The following SLIT2 variants were observed in gnomAD, a reference collection of about 807,000 sequenced individuals.
The protein encoded by SLIT2 is slit guidance ligand 2, also known as slit homolog 2 protein.
Under a neutral mutation model 185.7 loss-of-function variants are expected in SLIT2, and 41 were observed. That is an observed-to-expected ratio of 0.22 (90% CI 0.17 to 0.29). The LOEUF is 0.29. SLIT2 is among the 10% of genes least tolerant of loss of function. SLIT2 has a pLI of 1.00. For missense variants in SLIT2, 1,571 were observed against 1,909.0 expected, an observed-to-expected ratio of 0.82 and a Z score of 3.30; for synonymous variants, 693 against 680.2, an observed-to-expected ratio of 1.02 and a Z score of -0.29.
intron 4 of SLIT2, among the ~76,000 whole-genome samples, chr4:20,280,801 GTGAAT>G (rs1383070833): frequency 6.6e-6 from 1 of 150,546 alleles, no homozygotes; most frequent in Non-Finnish European, 1.5e-5. Flanking sequence ...GCTATTAAAT[GTGAAT>G]TGTTTGAAGG....
At chr4:20,457,581 C>T (rs1438767980) in intron 4 of SLIT2, among the ~76,000 whole-genome samples, 56 of 152,136 alleles carry the variant, frequency 3.7e-4, no homozygotes, top group Non-Finnish European at 7.4e-5. Flanking sequence ...CAAGCAGTAA[C>T]AGAGTACATT....
chr4:20,594,189 A>G (rs1727767846), intron 30 of SLIT2, among the ~76,000 whole-genome samples: 1 of 149,860 alleles, frequency 6.7e-6, no homozygotes, highest in South Asian at 2.1e-4. Flanking sequence ...ACATGTGTGT[A>G]TATACATATG....
intron 4 of SLIT2, among the ~76,000 whole-genome samples, chr4:20,404,610 A>G (rs187395526): frequency 5.6e-4 from 85 of 152,144 alleles, no homozygotes; most frequent in Non-Finnish European, 1.0e-3. Context: ...TGTGCTCGAA[A>G]AAGTTCACCA....
intron 4 of SLIT2, among the ~76,000 whole-genome samples, chr4:20,462,521 T>C (rs1255613060): frequency 6.6e-6 from 1 of 152,162 alleles, no homozygotes; most frequent in African/African-American, 2.4e-5. Flanking sequence ...TTAAATTCCA[T>C]TGAAGATTTT....
intron 19 of SLIT2, among the ~76,000 whole-genome samples, chr4:20,541,205 G>A (rs541374032): frequency 2.0e-5 from 3 of 152,134 alleles, no homozygotes; most frequent in Non-Finnish European, 4.4e-5. Flanking sequence ...TTTTTTGCAT[G>A]AAATCATGTG....
At chr4:20,412,755 A>G (rs192536338) in intron 4 of SLIT2, among the ~76,000 whole-genome samples, 16 of 152,240 alleles carry the variant, frequency 1.1e-4, no homozygotes, top group African/African-American at 3.8e-4. Context: ...TGTAATCATC[A>G]CCACTATCTA....
At chr4:20,291,753 A>G (rs1391341420) in intron 4 of SLIT2, among the ~76,000 whole-genome samples, 3 of 151,978 alleles carry the variant, frequency 2.0e-5, no homozygotes, top group African/African-American at 7.2e-5. Context: ...TAATCAAAAC[A>G]ATTATAGAGA....
chr4:20,478,283 C>G (rs771537770), intron 5 of SLIT2, among the ~76,000 whole-genome samples: 3 of 152,128 alleles, frequency 2.0e-5, no homozygotes, highest in Non-Finnish European at 4.4e-5. Flanking sequence ...TCAGATATAA[C>G]AGTATTCAGA....
intron 29 of SLIT2, among the ~76,000 whole-genome samples, chr4:20,569,786 T>G (rs959094872): frequency 1.3e-5 from 2 of 152,124 alleles, no homozygotes; most frequent in African/African-American, 4.8e-5. Context: ...AGAAGTAATT[T>G]TGATCACTCT....
At chr4:20,550,395 A>G (rs1577908397) in intron 24 of SLIT2, among the ~76,000 whole-genome samples, 1 of 151,882 alleles carries the variant, frequency 6.6e-6, no homozygotes, top group East Asian at 1.9e-4. Context: ...GAAAGAATTA[A>G]TCCTTATATC....
At chr4:20,523,354 AC>A (rs1721003854) in intron 12 of SLIT2, among the ~76,000 whole-genome samples, 1 of 152,188 alleles carries the variant, frequency 6.6e-6, no homozygotes, top group Non-Finnish European at 1.5e-5. Flanking sequence ...GAAGGATCAC[AC>A]TAGCTACTGT....
chr4:20,614,674 G>A (rs1729509265), intron 34 of SLIT2, among the ~76,000 whole-genome samples: 1 of 151,872 alleles, frequency 6.6e-6, no homozygotes, highest in Non-Finnish European at 1.5e-5. Flanking sequence ...CTTCTCGGGA[G>A]GCTGAAGCAG....
chr4:20,573,345 C>T, intron 29 of SLIT2: 2 of 699,616 alleles, frequency 2.9e-6, no homozygotes, highest in South Asian at 1.5e-5. Context: ...TGCGGGTACA[C>T]AGTAAAAAGG....
chr4:20,580,058 GTATATATTATATATATA>G (rs1437445898), intron 29 of SLIT2, among the ~76,000 whole-genome samples: 24 of 109,766 alleles, frequency 2.2e-4, no homozygotes, highest in African/African-American at 9.2e-4. Flanking sequence ...TATATATTAT[GTATATATTATATATATA>G]TATATATATT....
At chr4:20,534,400 T>G (rs780297502) in intron 18 of SLIT2, among the ~76,000 whole-genome samples, 2 of 152,030 alleles carry the variant, frequency 1.3e-5, no homozygotes, top group Non-Finnish European at 2.9e-5. Context: ...TTCCAAAGAG[T>G]TGTTGTCCAA....
chr4:20,315,860 T>C (rs1177327456), intron 4 of SLIT2, among the ~76,000 whole-genome samples: 1 of 152,102 alleles, frequency 6.6e-6, no homozygotes, highest in African/African-American at 2.4e-5. Flanking sequence ...TAATCTATGA[T>C]ACATTTATTG....
intron 4 of SLIT2, among the ~76,000 whole-genome samples, chr4:20,314,794 A>G (rs1341947447): frequency 3.3e-5 from 5 of 152,154 alleles, no homozygotes; most frequent in African/African-American, 1.2e-4. Context: ...CAGATGGTCA[A>G]TAAATTCATG....
At chr4:20,413,727 C>T (rs900946971) in intron 4 of SLIT2, among the ~76,000 whole-genome samples, 2 of 151,976 alleles carry the variant, frequency 1.3e-5, no homozygotes, top group African/African-American at 2.4e-5. Flanking sequence ...TCCTATTACT[C>T]CAGCTTTCCT....
At chr4:20,295,831 C>G (rs1716408676) in intron 4 of SLIT2, among the ~76,000 whole-genome samples, 1 of 140,080 alleles carries the variant, frequency 7.1e-6, no homozygotes, top group Non-Finnish European at 1.6e-5. Context: ...CTCTTGAGTA[C>G]TAGGAAAAAA....
Sources: gnomAD v4.1 joint callset for allele counts (sites outside exome capture counted in the v4.1 genomes callset) on GRCh38, gnomAD v4.1.1 for gene constraint, MANE v1.5 for transcripts, NCBI Gene and HGNC (gene_info 2026-07-23, HGNC 2026-07-21) for gene names.